The following RFPL1 variants were observed in gnomAD, a reference collection of about 807,000 sequenced individuals.
The protein encoded by RFPL1 is ret finger protein-like 1.
In RFPL1, 6 loss-of-function variants were observed where a neutral mutation model predicts 9.6. The observed-to-expected ratio is 0.62, with a 90% CI of 0.34 to 1.23. The LOEUF is 1.23. Among genes scored for constraint, RFPL1 ranks in the 50% most tolerant of loss-of-function variants. The probability of loss-of-function intolerance (pLI) is 0.03; values close to 1 mark genes in which losing one functional copy is unlikely to be tolerated. For missense variants in RFPL1, 352 were observed against 398.4 expected (o/e 0.88, Z 0.99); for synonymous variants, 145 against 149.4 (o/e 0.97, Z 0.22).
At chr22:29,394,781 AT>A in the RFPL1 span, among the ~76,000 whole-genome samples, 1 of 152,108 alleles carries the variant, frequency 6.6e-6, no homozygotes, top group African/African-American at 2.4e-5. Flanking sequence ...AGATAACCCC[AT>A]TTTACAGATG....
chr22:29,427,248 T>C, the RFPL1 span, among the ~76,000 whole-genome samples: 1 of 152,216 alleles, frequency 6.6e-6, no homozygotes, highest in Non-Finnish European at 1.5e-5. Context: ...CAAAGCCACC[T>C]CACCTGCTGA....
the RFPL1 span, among the ~76,000 whole-genome samples, chr22:29,389,079 G>T: frequency 6.6e-6 from 1 of 152,094 alleles, no homozygotes; most frequent in Non-Finnish European, 1.5e-5. Context: ...TTTGTAGAGA[G>T]AGTCTCACTT....
chr22:29,419,608 T>G, the RFPL1 span, among the ~76,000 whole-genome samples: 1 of 151,814 alleles, frequency 6.6e-6, no homozygotes, highest in East Asian at 1.9e-4. Flanking sequence ...ATCAAGACCA[T>G]CCTGGCCAAC....
chr22:29,407,950 C>T, the RFPL1 span, among the ~76,000 whole-genome samples: 1 of 152,196 alleles, frequency 6.6e-6, no homozygotes, highest in African/African-American at 2.4e-5. Context: ...GTTTTTCTCT[C>T]ATTGCCCAAG....
chr22:29,426,044 C>T, the RFPL1 span, among the ~76,000 whole-genome samples: 14 of 150,524 alleles, frequency 9.3e-5, no homozygotes, highest in Non-Finnish European at 5.9e-5. Context: ...TATTTGAGGC[C>T]GGGTGCGGTG....
the RFPL1 span, among the ~76,000 whole-genome samples, chr22:29,389,138 C>T: frequency 1.7e-4 from 26 of 152,276 alleles, 1 homozygote; most frequent in African/African-American, 5.5e-4. Flanking sequence ...ATCCTCCCGC[C>T]TCGGCTTCCC....
the RFPL1 span, chr22:29,432,904 G>C: frequency 1.3e-5 from 2 of 152,126 alleles, no homozygotes; most frequent in Non-Finnish European, 2.9e-5. Context: ...TCAGTTAATT[G>C]AACTCCAATA....
chr22:29,397,069 G>A, the RFPL1 span, among the ~76,000 whole-genome samples: 1 of 151,566 alleles, frequency 6.6e-6, no homozygotes, highest in African/African-American at 2.4e-5. Flanking sequence ...CACCGCGCCC[G>A]GCTAATTTTT....
At chr22:29,426,460 A>G in the RFPL1 span, among the ~76,000 whole-genome samples, 1 of 152,134 alleles carries the variant, frequency 6.6e-6, no homozygotes, top group African/African-American at 2.4e-5. Context: ...GTATAAAAGA[A>G]GTTATTTGAG....
chr22:29,428,134 C>T, the RFPL1 span, among the ~76,000 whole-genome samples: 2 of 152,154 alleles, frequency 1.3e-5, no homozygotes, highest in Non-Finnish European at 2.9e-5. Context: ...TACGTTTTCA[C>T]AGCCCTGTCC....
At chr22:29,407,946 C>T in the RFPL1 span, among the ~76,000 whole-genome samples, 2 of 152,190 alleles carry the variant, frequency 1.3e-5, no homozygotes, top group Non-Finnish European at 2.9e-5. Context: ...TGCTGTTTTT[C>T]TCTCATTGCC....
chr22:29,426,521 G>T, the RFPL1 span, among the ~76,000 whole-genome samples: 1 of 152,138 alleles, frequency 6.6e-6, no homozygotes, highest in Non-Finnish European at 1.5e-5. Flanking sequence ...GGAGGCCGAG[G>T]TGGGAGGATC....
the RFPL1 span, among the ~76,000 whole-genome samples, chr22:29,388,968 C>T: frequency 6.6e-6 from 1 of 152,162 alleles, no homozygotes; most frequent in African/African-American, 2.4e-5. Flanking sequence ...CCTCCGCCTC[C>T]CAGGCTCAGG....
At chr22:29,404,951 A>T in the RFPL1 span, among the ~76,000 whole-genome samples, 1 of 152,194 alleles carries the variant, frequency 6.6e-6, no homozygotes, top group African/African-American at 2.4e-5. Flanking sequence ...GCTGGTCTCA[A>T]ACTTCTGACC....
At chr22:29,415,940 C>T in the RFPL1 span, among the ~76,000 whole-genome samples, 11 of 152,134 alleles carry the variant, frequency 7.2e-5, no homozygotes, top group Non-Finnish European at 1.5e-4. Context: ...GAAGTGAGAC[C>T]CCTGGAGTTG....
the RFPL1 span, among the ~76,000 whole-genome samples, chr22:29,389,335 C>G: frequency 6.6e-6 from 1 of 151,922 alleles, no homozygotes; most frequent in Non-Finnish European, 1.5e-5. Context: ...TTACAGTGAG[C>G]TATAATTGCA....
chr22:29,439,488 C>G, intron 1 of RFPL1: 1 of 279,052 alleles, frequency 3.6e-6, no homozygotes, highest in Non-Finnish European at 6.8e-6. Flanking sequence ...AAAAAATTAG[C>G]CAGGCTTGGT....
the RFPL1 span, among the ~76,000 whole-genome samples, chr22:29,402,388 G>T: frequency 2.0e-5 from 3 of 152,218 alleles, no homozygotes; most frequent in Admixed American, 6.5e-5. Flanking sequence ...GTTAGTAAAA[G>T]AAATATCTGA....
At chr22:29,415,293 G>T in the RFPL1 span, among the ~76,000 whole-genome samples, 1 of 152,224 alleles carries the variant, frequency 6.6e-6, no homozygotes, top group African/African-American at 2.4e-5. Context: ...GGCATGCCGT[G>T]GGTGATCAGG....
Sources: allele counts gnomAD v4.1 joint callset (sites outside exome capture counted in the v4.1 genomes callset), GRCh38; gene constraint gnomAD v4.1.1; transcripts MANE v1.5; gene names NCBI Gene and HGNC (gene_info 2026-07-23, HGNC 2026-07-21).